The following GABRR2 variants were observed in gnomAD, a reference collection of about 807,000 sequenced individuals.
The protein encoded by GABRR2 is gamma-aminobutyric acid receptor subunit rho-2.
In GABRR2, 36 loss-of-function variants were observed where a neutral mutation model predicts 47.0. That is an observed-to-expected ratio of 0.77 (90% CI 0.59 to 1.01). GABRR2 has a LOEUF of 1.01. Among genes scored for constraint, GABRR2 ranks in the 50% least tolerant of loss-of-function variants. The pLI is 0.00. For missense variants in GABRR2, 587 were observed against 594.6 expected (o/e 0.99, Z 0.13); for synonymous variants, 204 against 227.5 (o/e 0.90, Z 0.93).
rs12206367 is a variant in GABRR2 at position 89,264,907 on chromosome 6, C to A, written c.890-299G>T. Among the ~76,000 whole-genome samples, 13,629 of 152,094 alleles carry A rather than the reference C, an allele frequency of 0.09. 764 individuals carry two copies. The highest frequency in any genetic ancestry group is 0.12 in the Non-Finnish European group (7,915 of 67,998). On this transcript the variant is annotated intron_variant, in intron 7 of 8. Coordinates refer to ENST00000402938, the MANE Select transcript of GABRR2 (RefSeq NM_002043.5). ...AATTAAAGACAGCGACTAAAGGACA[C>A]CTCTGAAGGAACGTTCTCAAACTTC...
chr6:89,271,855 T>C (rs1006422019), intron 2 of GABRR2, 133 bp from the exon 3 acceptor site: 13 of 689,802 alleles, frequency 1.9e-5, no homozygotes, highest in Admixed American at 1.1e-4. Flanking sequence ...TCTATGAGGG[T>C]TTCTTGCTGG....
chr6:89,282,832 T>C (rs1774272716), intron 2 of GABRR2, among the ~76,000 whole-genome samples: 1 of 152,214 alleles, frequency 6.6e-6, no homozygotes, highest in Non-Finnish European at 1.5e-5. Context: ...GTCTCCCCCT[T>C]CCAGATCCTC....
intron 3 of GABRR2, among the ~76,000 whole-genome samples, chr6:89,269,544 T>C (rs1773996116): frequency 6.6e-6 from 1 of 152,228 alleles, no homozygotes; most frequent in Non-Finnish European, 1.5e-5. Context: ...AAAGCTCTGC[T>C]CTCTCTCACT....
intron 3 of GABRR2, chr6:89,270,468 C>G (rs1400468224): frequency 6.6e-6 from 1 of 152,272 alleles, no homozygotes; most frequent in East Asian, 1.9e-4. Context: ...TCTAGGGCAG[C>G]CAGGCTGTTC....
chr6:89,264,398 A>T lies in GABRR2; in HGVS notation c.1086+14T>A. On this transcript the variant is annotated intron_variant, in intron 8 of 8. Coordinates refer to ENST00000402938, the MANE Select transcript of GABRR2 (RefSeq NM_002043.5). ...CAGCATGGACTTAGACAAGGGCCGA[A>T]GAAGCCCTCTCACCTTCTCCCGCAG... 6.2e-7 allele frequency: 1 copy of T among 1,610,366 alleles called. No individual in the cohort carries two copies. Among genetic ancestry groups the T allele is most frequent in the Non-Finnish European group, 8.5e-7 (1 of 1,178,156 alleles).
intron 2 of GABRR2, among the ~76,000 whole-genome samples, chr6:89,284,627 G>GAA (rs981359948): frequency 1.6e-4 from 25 of 152,180 alleles, no homozygotes; most frequent in African/African-American, 6.0e-4. Flanking sequence ...ACAGAATGTG[G>GAA]ACGGCCTCTA....
At chr6:89,299,900 C>T in intron 1 of GABRR2, 35 bp from the exon 2 acceptor site, 2 of 1,329,100 alleles carry the variant, frequency 1.5e-6, no homozygotes, top group Non-Finnish European at 2.2e-6. Context: ...TTTCCATCGG[C>T]TCTTCAATGC....
chr6:89,305,355 A>G (rs1231373003), intron 1 of GABRR2, among the ~76,000 whole-genome samples: 1 of 152,144 alleles, frequency 6.6e-6, no homozygotes, highest in South Asian at 2.1e-4. Context: ...TGTAATACAC[A>G]TATACCATGA....
chr6:89,258,078 C>T (rs1773649668), intron 8 of GABRR2, 97 bp from the exon 9 acceptor site: 4 of 1,141,012 alleles, frequency 3.5e-6, no homozygotes, highest in Non-Finnish European at 4.9e-6. Context: ...TACTCAGAAC[C>T]ACAGAAAGAT....
At chr6:89,300,007 T>G in intron 1 of GABRR2, 142 bp from the exon 2 acceptor site, 1 of 615,912 alleles carries the variant, frequency 1.6e-6, no homozygotes, top group Non-Finnish European at 3.0e-6. Context: ...GAAGGAGGGC[T>G]GAAGGACCCT....
rs1344740547 is a variant in GABRR2 at position 89,259,893 on chromosome 6, TTTTTTG to T, written c.1087-1918_1087-1913del. Among the ~76,000 whole-genome samples the T allele has an allele frequency of 7.8e-3, 1,149 of 148,010 alleles. 6 individuals carry two copies. The highest frequency in any genetic ancestry group is 0.027 in the African/African-American group (1,078 of 39,582). On this transcript the variant is annotated intron_variant, in intron 8 of 8. Transcript: ENST00000402938. ...GTCATCTCTCTCTCTCTTTTTTTTTTTTTTTGTTTTTTTTGTTTTTTTTGTTTTTTA... is the reference window on the plus strand; with the variant it reads ...GTCATCTCTCTCTCTCTTTTTTTTTTTTTTTTTTGTTTTTTTTGTTTTTTA...
chr6:89,308,917 C>T (rs1767622974), intron 1 of GABRR2, among the ~76,000 whole-genome samples: 1 of 152,192 alleles, frequency 6.6e-6, no homozygotes, highest in African/African-American at 2.4e-5. Flanking sequence ...CACAGGGCTT[C>T]CAACCTAGTC....
At chr6:89,308,284 A>G (rs1767607133) in intron 1 of GABRR2, among the ~76,000 whole-genome samples, 1 of 152,218 alleles carries the variant, frequency 6.6e-6, no homozygotes, top group Non-Finnish European at 1.5e-5. Context: ...GGAGGCCTAA[A>G]GCTGCACTGA....
chr6:89,273,528 C>G (rs1423661161), intron 2 of GABRR2, among the ~76,000 whole-genome samples: 1 of 152,238 alleles, frequency 6.6e-6, no homozygotes, highest in African/African-American at 2.4e-5. Context: ...AGCCACCGCA[C>G]CGGCCTGCAT....
rs931415472 is a variant in GABRR2 at position 89,255,200 on chromosome 6, G to T, written c.*2470C>A. Among the ~76,000 whole-genome samples the T allele has an allele frequency of 1.3e-5, 2 of 152,166 alleles. No individual in the cohort carries two copies. The highest frequency in any genetic ancestry group is 4.8e-5 in the African/African-American group (2 of 41,438). On this transcript the variant is annotated 3_prime_UTR_variant, in exon 9 of 9. Transcript: ENST00000402938. The stretch of plus-strand genomic sequence containing the variant: ...GCCTGTAATCACAGCACTTTGGGAG[G>T]CTGAGGCAGGCGGATCACCTGAGGT...
chr6:89,300,479 A>C (rs1774646736), intron 1 of GABRR2, among the ~76,000 whole-genome samples: 1 of 151,626 alleles, frequency 6.6e-6, no homozygotes, highest in Non-Finnish European at 1.5e-5. Flanking sequence ...CACCCGGGTG[A>C]TAGAGTGAGA....
At chr6:89,276,515 A>G (rs1774164893) in intron 2 of GABRR2, among the ~76,000 whole-genome samples, 1 of 152,136 alleles carries the variant, frequency 6.6e-6, no homozygotes. Flanking sequence ...TCTCAATGTG[A>G]TGAAGGAGAG....
At chr6:89,268,571 G>A (rs892799237) in intron 4 of GABRR2, among the ~76,000 whole-genome samples, 10 of 150,918 alleles carry the variant, frequency 6.6e-5, no homozygotes, top group Non-Finnish European at 1.3e-4. Context: ...TTAAGATGTG[G>A]AACATGACTT....
At position 89,267,770 on chromosome 6, in the gene GABRR2, T is replaced by C; in HGVS notation, c.645A>G (p.Glu215=). 6.2e-7 allele frequency: 1 copy of C among 1,613,878 alleles called. No individual in the cohort carries two copies. The highest frequency in any genetic ancestry group is 8.5e-7 in the Non-Finnish European group (1 of 1,179,822). ...AGATCTTCTCATCTGTTTTTAGGGA[T>C]TCATCCCCATTCTTCCAGTACAGCA... ...DLMLYWKNGD[E]SLKTDEKISL... Residue 215 remains glutamate, a synonymous_variant, in exon 6 of 9, where the codon GAA becomes GAG. Coordinates refer to ENST00000402938, the MANE Select transcript of GABRR2 (RefSeq NM_002043.5).
Sources: allele counts gnomAD v4.1 joint callset (sites outside exome capture counted in the v4.1 genomes callset), GRCh38; gene constraint gnomAD v4.1.1; transcripts MANE v1.5; gene names NCBI Gene and HGNC (gene_info 2026-07-23, HGNC 2026-07-21).